SMARCA1: variants seen among roughly 807,000 people sequenced by gnomAD.
The protein encoded by SMARCA1 is SNF2 related chromatin remodeling ATPase 1.
SMARCA1 carries 17 observed loss-of-function variants against 93.6 expected under a neutral mutation model. The observed-to-expected ratio is 0.18, with a 90% CI of 0.12 to 0.27. The LOEUF (loss-of-function observed/expected upper bound fraction) is 0.27, where lower values mean the gene tolerates loss of function less well. Ranked by LOEUF, SMARCA1 falls within the 10% of genes least tolerant of loss-of-function variation. The probability of loss-of-function intolerance (pLI) is 1.00; values close to 1 mark genes in which losing one functional copy is unlikely to be tolerated. For synonymous variants in SMARCA1, 271 were observed against 271.4 expected, an observed-to-expected ratio of 1.00 and a Z score of 0.01; for missense variants, 630 against 819.0, an observed-to-expected ratio of 0.77 and a Z score of 2.82.
In SMARCA1 at chrX:129,465,731, A is replaced by G; in HGVS notation, c.2819T>C (p.Ile940Thr). 8.6e-7 allele frequency: 1 copy of G among 1,158,999 alleles called. No homozygotes were observed. Among genetic ancestry groups the G allele is most frequent in the East Asian group, 3.0e-5 (1 of 33,195 alleles). ...ISIKKALDAK[I>T]ARYKAPFHQL... The stretch of plus-strand genomic sequence containing the variant: ...ATGAAATGGAGCCTTGTATCTTGCA[A>G]TCTGTGTATTTAAACAAAATAGTGC... Residue 940 changes from isoleucine to threonine, a missense_variant and splice_region_variant, in exon 23 of 25, where the codon ATT (isoleucine) becomes ACT (threonine). This residue lies in a region of SMARCA1 where 93 missense variants were observed against 160.8 expected (regional missense o/e 0.58). Transcript: ENST00000371121.
chrX:129,522,484 T>G (rs1054612330), intron 1 of SMARCA1, among the ~76,000 whole-genome samples: 44 of 83,717 alleles, frequency 5.3e-4, no homozygotes, highest in African/African-American at 2.0e-3. Flanking sequence ...GGTGCAGATG[T>G]TGGAAATTTT....
chrX:129,489,714 C>T (rs2124273082), intron 15 of SMARCA1, among the ~76,000 whole-genome samples: 1 of 111,527 alleles, frequency 9.0e-6, no homozygotes, highest in South Asian at 3.8e-4. Context: ...CACGCCACCA[C>T]ACCCGGCTAA....
At position 129,454,052 on chromosome X, in the gene SMARCA1, C is replaced by T. The variant is rs189806289; in HGVS notation, c.3031-5609G>A. Reference sequence around the variant, plus strand: ...CCTGACTTCAAACTATACTACAAGGCTACAGTAACCAAAACAGCATGATAT... The same window carrying T: ...CCTGACTTCAAACTATACTACAAGGTTACAGTAACCAAAACAGCATGATAT... On this transcript the variant is annotated intron_variant, in intron 23 of 24. Coordinates refer to ENST00000371121, the MANE Select transcript of SMARCA1 (RefSeq NM_001282874.2). Among the ~76,000 whole-genome samples, 28 of 111,807 alleles carry T rather than the reference C, an allele frequency of 2.5e-4. No homozygotes were observed. The East Asian group carries it at 6.7e-3, about 27-fold the overall frequency.
In SMARCA1 at chrX:129,460,021, G is replaced by A. The variant is rs570562795; in HGVS notation, c.3030+5499C>T. ...AAAAGCCAGCTGCGTGCAGTGGCAC[G>A]CACCTGTAGTCCTAGCTACTCAGGA... On this transcript the variant is annotated intron_variant, in intron 23 of 24. Coordinates refer to ENST00000371121, the MANE Select transcript of SMARCA1 (RefSeq NM_001282874.2). 6.6e-4 allele frequency among the ~76,000 whole-genome samples: 73 copies of A among 110,782 alleles called. No individual in the cohort carries two copies. The South Asian group carries it at 0.026, about 40-fold the overall frequency.
At chrX:129,489,347 T>C (rs1450781149) in intron 15 of SMARCA1, among the ~76,000 whole-genome samples, 1 of 112,195 alleles carries the variant, frequency 8.9e-6, no homozygotes, top group Admixed American at 9.5e-5. Flanking sequence ...AACTCTGTTT[T>C]CAGATCAAAC....
In SMARCA1 at chrX:129,471,244, G is replaced by A. The variant is rs1933107408; in HGVS notation, c.2525C>T (p.Thr842Ile). The change falls in exon 20 of 25, where the codon ACA (threonine) becomes ATA (isoleucine). Residue 842 changes from threonine to isoleucine, a missense_variant. Thr to Ile is a moderately conservative substitution (Grantham distance 89). Around this residue, in one of 4 missense-constraint regions of SMARCA1, gnomAD observed 52 missense variants for 38.3 expected, o/e 1.36. Coordinates refer to ENST00000371121, the MANE Select transcript of SMARCA1 (RefSeq NM_001282874.2). ...TTCCTTTTCTTCAGTCTCTTCTGGTGTAAGAGGTTCAGCTCCATCAATCTT... is the reference window on the plus strand; with the variant it reads ...TTCCTTTTCTTCAGTCTCTTCTGGTATAAGAGGTTCAGCTCCATCAATCTT... ...QKKIDGAEPL[T>I]PEETEEKEKL... 1 of 1,200,145 alleles carries A rather than the reference G, an allele frequency of 8.3e-7. No homozygotes were observed. The highest frequency in any genetic ancestry group is 1.1e-6 in the Non-Finnish European group (1 of 887,224).
At chrX:129,515,188 GTTT>G (rs770798364) in intron 5 of SMARCA1, among the ~76,000 whole-genome samples, 5 of 111,457 alleles carry the variant, frequency 4.5e-5, no homozygotes, top group Non-Finnish European at 9.4e-5. Context: ...CTCAGTAAGA[GTTT>G]TATGGCCTGT....
intron 19 of SMARCA1, among the ~76,000 whole-genome samples, chrX:129,472,126 T>C (rs1038124555): frequency 2.7e-5 from 3 of 111,961 alleles, no homozygotes; most frequent in African/African-American, 9.7e-5. Context: ...TGAGCATATA[T>C]AACCAATGTG....
At chrX:129,478,447 A>C (rs994372841) in intron 19 of SMARCA1, among the ~76,000 whole-genome samples, 2 of 111,746 alleles carry the variant, frequency 1.8e-5, no homozygotes, top group Admixed American at 9.5e-5. Flanking sequence ...CACGAATTCC[A>C]TGCCATCTCC....
At chrX:129,464,947 A>G (rs1192944964) in intron 23 of SMARCA1, among the ~76,000 whole-genome samples, 1 of 112,075 alleles carries the variant, frequency 8.9e-6, no homozygotes, top group Non-Finnish European at 1.9e-5. Context: ...ACTAGCCTGG[A>G]CACCTTTAAA....
Position 129,480,706 on chromosome X carries a change from AGC to A in SMARCA1, c.2435_2436del (p.Gly812ValfsTer2), listed in dbSNP as rs775527495. 1 of 1,005,799 alleles carries A rather than the reference AGC, an allele frequency of 9.9e-7. No individual in the cohort carries two copies. Among genetic ancestry groups the A allele is most frequent in the Non-Finnish European group, 1.3e-6 (1 of 754,900 alleles). 82.9% of individuals were successfully genotyped at this position (1,005,799 alleles called of 1,213,427 possible). ...TTAAAAAATGGAAAAAATACCTTAT[AGC>A]CTATTGTCTTCCGATAATAAAGAAT... Reference protein sequence around the residue: ...KEILYYRKTIGYKVPRNPDIP... With the variant: ...KEILYYRKTIXYKVPRNPDIP... On this transcript the variant is annotated frameshift_variant, in exon 19 of 25. Transcript: ENST00000371121. LOFTEE classifies it high-confidence loss of function.
intron 17 of SMARCA1, 72 bp from the exon 18 acceptor site, chrX:129,481,257 A>G (rs895452666): frequency 2.0e-5 from 13 of 639,056 alleles, no homozygotes; most frequent in Non-Finnish European, 2.7e-5. Flanking sequence ...AAGTACATCG[A>G]GGCTGCAGAA....
chrX:129,464,684 C>T (rs1342458390), intron 23 of SMARCA1, among the ~76,000 whole-genome samples: 1 of 112,420 alleles, frequency 8.9e-6, no homozygotes, highest in East Asian at 2.8e-4. Context: ...TTCGCATAGT[C>T]TCAAGCATAA....
intron 23 of SMARCA1, among the ~76,000 whole-genome samples, chrX:129,461,171 C>T (rs759739456): frequency 1.8e-5 from 2 of 111,399 alleles, no homozygotes; most frequent in Non-Finnish European, 3.8e-5. Context: ...CTAATATATA[C>T]AAGGCCACAA....
chrX:129,480,679 T>A lies in SMARCA1; in HGVS notation c.2442+22A>T, dbSNP rs188771821. On this transcript the variant is annotated intron_variant, in intron 19 of 24. Transcript: ENST00000371121. Reference sequence around the variant, plus strand: ...ATTTTTAAAGATTATATTATATTAATCTTAAAAAATGGAAAAAATACCTTA... The same window carrying A: ...ATTTTTAAAGATTATATTATATTAAACTTAAAAAATGGAAAAAATACCTTA... The A allele has an allele frequency of 2.6e-3, 1,879 of 724,226 alleles. 5 individuals are homozygous for A. The highest frequency in any genetic ancestry group is 2.9e-3 in the Non-Finnish European group (1,496 of 516,427). 59.7% of individuals were successfully genotyped at this position (724,226 alleles called of 1,213,427 possible). A position where few individuals can be genotyped will look rare whatever the true frequency, so the allele number is the denominator to read the frequency against.
At chrX:129,459,226 C>T (rs1932758985) in intron 23 of SMARCA1, among the ~76,000 whole-genome samples, 1 of 111,188 alleles carries the variant, frequency 9.0e-6, no homozygotes, top group Non-Finnish European at 1.9e-5. Context: ...CGAGATCATC[C>T]GGGCCAACAT....
chrX:129,523,413 A>T lies in SMARCA1; in HGVS notation c.-43T>A. On this transcript the variant is annotated 5_prime_UTR_variant, in exon 1 of 25. Coordinates refer to ENST00000371121, the MANE Select transcript of SMARCA1 (RefSeq NM_001282874.2). ...GAGTAGGGGGACAAGGCAGGGGACG[A>T]GGGCTCCTGGGCGGCGGCAGTGGCT... The T allele has an allele frequency of 9.2e-7, 1 of 1,087,394 alleles. No individual in the cohort carries two copies. Among genetic ancestry groups the T allele is most frequent in the South Asian group, 2.1e-5 (1 of 47,004 alleles). The allele number at this position is 1,087,394 out of a possible 1,213,427, so 89.6% of individuals were successfully genotyped here.
rs1429246518 is a variant in SMARCA1 at position 129,504,107 on chromosome X, A to G, written c.1167+627T>C. Among the ~76,000 whole-genome samples, 15 of 98,127 alleles carry G rather than the reference A, an allele frequency of 1.5e-4. No homozygotes were observed. In the East Asian group the frequency reaches 2.0e-3, roughly 13 times the overall value. The allele number at this position is 98,127 out of a possible 115,157, so 85.2% of individuals were successfully genotyped here. ...AGCCTGGCCAACATGGTGAAACCCC[A>G]TCTCTACTAAAAATACAAAAATTAG... On this transcript the variant is annotated intron_variant, in intron 9 of 24. Coordinates refer to ENST00000371121, the MANE Select transcript of SMARCA1 (RefSeq NM_001282874.2).
chrX:129,466,755 T>C (rs1932919829), intron 21 of SMARCA1, among the ~76,000 whole-genome samples: 1 of 110,503 alleles, frequency 9.0e-6, no homozygotes, highest in African/African-American at 3.3e-5. Context: ...CATTTGCTTT[T>C]GGAATCACTC....
Sources: gnomAD v4.1 joint callset for allele counts (sites outside exome capture counted in the v4.1 genomes callset) on GRCh38, gnomAD v4.1.1 for gene constraint, gnomAD v4.1.1 regional missense constraint, MANE v1.5 for transcripts, NCBI Gene and HGNC (gene_info 2026-07-23, HGNC 2026-07-21) for gene names.